NCAM2: variants seen among roughly 807,000 people sequenced by gnomAD.
The protein encoded by NCAM2 is neural cell adhesion molecule 2.
NCAM2 carries 30 observed loss-of-function variants against 98.1 expected under a neutral mutation model. That is an observed-to-expected ratio of 0.31 (90% CI 0.23 to 0.41). NCAM2 has a LOEUF of 0.41. NCAM2 is among the 10% of genes least tolerant of loss of function. NCAM2 has a pLI of 1.00. For synonymous variants in NCAM2, 368 were observed against 342.4 expected, an observed-to-expected ratio of 1.07 and a Z score of -0.83; for missense variants, 867 against 1,005.8, an observed-to-expected ratio of 0.86 and a Z score of 1.87.
chr21:21,388,868 C>CA (rs2076323851), intron 9 of NCAM2, among the ~76,000 whole-genome samples: 3 of 151,998 alleles, frequency 2.0e-5, no homozygotes, highest in Admixed American at 6.6e-5. Flanking sequence ...ACTCTTAGAA[C>CA]AAAAAATAAA....
intron 1 of NCAM2, among the ~76,000 whole-genome samples, chr21:21,051,262 AAGCT>A (rs10598842): frequency 0.88 from 133,846 of 152,020 alleles, 59,505 homozygotes; most frequent in Middle Eastern, 0.96. Flanking sequence ...AGTCCCCATG[AAGCT>A]AGCTAGCCAA....
At chr21:21,030,528 C>T (rs1045504844) in intron 1 of NCAM2, among the ~76,000 whole-genome samples, 3 of 152,196 alleles carry the variant, frequency 2.0e-5, no homozygotes, top group Non-Finnish European at 2.9e-5. Context: ...ATGATCTCCC[C>T]ATCTCACGAT....
intron 5 of NCAM2, among the ~76,000 whole-genome samples, chr21:21,320,045 G>T (rs1037291348): frequency 6.6e-6 from 1 of 152,098 alleles, no homozygotes; most frequent in Non-Finnish European, 1.5e-5. Flanking sequence ...ACTATATAAA[G>T]CCTTTACTGT....
chr21:21,118,068 A>G (rs561330000), intron 1 of NCAM2, among the ~76,000 whole-genome samples: 3 of 152,252 alleles, frequency 2.0e-5, no homozygotes, highest in East Asian at 1.9e-4. Flanking sequence ...AATTGAAGAA[A>G]ATTTTCCAAT....
intron 8 of NCAM2, among the ~76,000 whole-genome samples, chr21:21,360,908 T>C (rs1006674936): frequency 1.3e-5 from 2 of 152,036 alleles, no homozygotes; most frequent in Non-Finnish European, 2.9e-5. Flanking sequence ...TTGACCACTG[T>C]TTTAGATAAC....
At chr21:21,525,116 G>C (rs2146399841) in intron 16 of NCAM2, among the ~76,000 whole-genome samples, 1 of 152,164 alleles carries the variant, frequency 6.6e-6, no homozygotes, top group Admixed American at 6.5e-5. Context: ...AAGAAGAGCA[G>C]ATTAAGTTCA....
intron 12 of NCAM2, among the ~76,000 whole-genome samples, chr21:21,444,049 A>G (rs965782630): frequency 6.6e-6 from 1 of 152,134 alleles, no homozygotes; most frequent in Admixed American, 6.5e-5. Flanking sequence ...TTTAACATGA[A>G]GGGATGTTGA....
intron 16 of NCAM2, among the ~76,000 whole-genome samples, chr21:21,517,298 T>G (rs1240728185): frequency 6.6e-6 from 1 of 152,228 alleles, no homozygotes; most frequent in Admixed American, 6.5e-5. Context: ...TATTTTTATA[T>G]TCATTTCTTA....
chr21:21,071,113 A>T (rs910778673), intron 1 of NCAM2, among the ~76,000 whole-genome samples: 1 of 152,214 alleles, frequency 6.6e-6, no homozygotes, highest in African/African-American at 2.4e-5. Context: ...ACAAAATGAG[A>T]TAAAGGTTTC....
In NCAM2 at chr21:21,394,825, G is replaced by A. The variant is rs1430576677; in HGVS notation, c.1196-15449G>A. ...ATCTATTACAATAGATATAACACTG[G>A]ATTGAAGTCCAAATTTCTGTGTCTT... On this transcript the variant is annotated intron_variant, in intron 9 of 17. Transcript: ENST00000400546. Among the ~76,000 whole-genome samples the A allele has an allele frequency of 2.6e-5, 4 of 152,034 alleles. No individual in the cohort carries two copies. In the South Asian group the frequency reaches 8.3e-4, roughly 32 times the overall value.
chr21:21,063,261 C>A (rs2065360522), intron 1 of NCAM2, among the ~76,000 whole-genome samples: 2 of 137,160 alleles, frequency 1.5e-5, no homozygotes, highest in Non-Finnish European at 3.1e-5. Flanking sequence ...CACTCTGTCA[C>A]CCAGGCTGGA....
intron 12 of NCAM2, among the ~76,000 whole-genome samples, chr21:21,444,438 T>A (rs1281829943): frequency 1.3e-5 from 2 of 151,900 alleles, no homozygotes; most frequent in Non-Finnish European, 1.5e-5. Context: ...TCTGGTAGAA[T>A]TTGGCTGTGA....
At chr21:21,181,178 G>A (rs940438473) in intron 1 of NCAM2, among the ~76,000 whole-genome samples, 2 of 152,088 alleles carry the variant, frequency 1.3e-5, no homozygotes, top group African/African-American at 4.8e-5. Context: ...CCATTGTCTT[G>A]AGATTTGCTG....
At chr21:21,212,954 A>G (rs2069721039) in intron 1 of NCAM2, among the ~76,000 whole-genome samples, 1 of 151,842 alleles carries the variant, frequency 6.6e-6, no homozygotes, top group South Asian at 2.1e-4. Context: ...GTTAGCCAGG[A>G]TGGTCTCGAT....
At chr21:21,329,888 GC>G (rs988761279) in intron 6 of NCAM2, among the ~76,000 whole-genome samples, 4 of 152,134 alleles carry the variant, frequency 2.6e-5, no homozygotes, top group African/African-American at 9.6e-5. Flanking sequence ...GATGATTAAC[GC>G]AATTCCAGGA....
At chr21:21,347,000 AG>A (rs2075208078) in intron 8 of NCAM2, among the ~76,000 whole-genome samples, 1 of 152,012 alleles carries the variant, frequency 6.6e-6, no homozygotes, top group African/African-American at 2.4e-5. Context: ...ACACAAAATT[AG>A]TAGAAGAAAA....
chr21:21,532,861 T>TA (rs1247440626), intron 16 of NCAM2, among the ~76,000 whole-genome samples: 3 of 152,136 alleles, frequency 2.0e-5, no homozygotes, highest in African/African-American at 7.2e-5. Context: ...AGATCTTACT[T>TA]ACTTGGGGCC....
chr21:21,215,522 C>A (rs562479228), intron 1 of NCAM2, among the ~76,000 whole-genome samples: 2 of 152,112 alleles, frequency 1.3e-5, no homozygotes, highest in East Asian at 1.9e-4. Flanking sequence ...TGTTCAAGAC[C>A]AGACTGGCCA....
At chr21:21,225,661 A>G (rs1358433590) in intron 1 of NCAM2, among the ~76,000 whole-genome samples, 1 of 152,044 alleles carries the variant, frequency 6.6e-6, no homozygotes, top group African/African-American at 2.4e-5. Flanking sequence ...TCTATTTAAT[A>G]TCTTAATATT....
Sources: allele counts gnomAD v4.1 joint callset (sites outside exome capture counted in the v4.1 genomes callset), GRCh38; gene constraint gnomAD v4.1.1; transcripts MANE v1.5; gene names NCBI Gene and HGNC (gene_info 2026-07-23, HGNC 2026-07-21).